The following GPRIN3 variants were observed in gnomAD, a reference collection of about 807,000 sequenced individuals.
GPRIN3 encodes G protein-regulated inducer of neurite outgrowth 3.
A neutral mutation model predicts 13.7 loss-of-function variants in GPRIN3; 12 were observed. That is an observed-to-expected ratio of 0.87 (90% confidence interval 0.56 to 1.42). GPRIN3 has a LOEUF of 1.42. GPRIN3 is among the 40% of genes most tolerant of loss of function. The pLI is 0.00. For missense variants in GPRIN3, 1,009 were observed against 958.7 expected, an observed-to-expected ratio of 1.05 and a Z score of -0.69; for synonymous variants, 377 against 372.7, an observed-to-expected ratio of 1.01 and a Z score of -0.13.
At chr4:89,288,554 A>T (rs1016537740) in intron 1 of GPRIN3, among the ~76,000 whole-genome samples, 2 of 152,206 alleles carry the variant, frequency 1.3e-5, no homozygotes, top group African/African-American at 4.8e-5. Flanking sequence ...GTACCTTGAT[A>T]GGATTCAACT....
Position 89,243,527 on chromosome 4 carries a change from A to G in GPRIN3, c.*4253T>C, listed in dbSNP as rs140759420. ...ATACATATGTAAAATAACAAACACT[A>G]AAGGGGATGTTTGACTTCTGATTTC... is the stretch of plus-strand genomic sequence containing the variant. On this transcript the variant is annotated 3_prime_UTR_variant, in exon 2 of 2. Transcript: ENST00000609438. 6.6e-6 allele frequency: 1 copy of G among 152,330 alleles called. No individual in the cohort carries two copies. Among genetic ancestry groups the G allele is most frequent in the African/African-American group, 2.4e-5 (1 of 41,574 alleles). 9.4% of individuals were successfully genotyped at this position (152,330 alleles called of 1,614,324 possible). A position where few individuals can be genotyped will look rare whatever the true frequency, so the allele number is the denominator to read the frequency against.
intron 1 of GPRIN3, among the ~76,000 whole-genome samples, chr4:89,294,921 A>T (rs1334642969): frequency 6.6e-6 from 1 of 152,228 alleles, no homozygotes; most frequent in Non-Finnish European, 1.5e-5. Flanking sequence ...AAATAATCAT[A>T]TACTTTAACC....
At chr4:89,304,601 C>A (rs960279901) in intron 1 of GPRIN3, among the ~76,000 whole-genome samples, 2 of 152,294 alleles carry the variant, frequency 1.3e-5, no homozygotes, top group Non-Finnish European at 2.9e-5. Context: ...CTATTTCTCT[C>A]ATTTAAAAAA....
chr4:89,257,013 C>G (rs1328307811), intron 1 of GPRIN3, among the ~76,000 whole-genome samples: 1 of 152,172 alleles, frequency 6.6e-6, no homozygotes, highest in Non-Finnish European at 1.5e-5. Context: ...AGAGCAGTCC[C>G]TTCTTCTTTC....
intron 1 of GPRIN3, among the ~76,000 whole-genome samples, chr4:89,303,953 T>C (rs964906871): frequency 1.3e-5 from 2 of 152,324 alleles, no homozygotes; most frequent in African/African-American, 4.8e-5. Context: ...TCCAACTTGA[T>C]ATTTATTTCT....
intron 1 of GPRIN3, among the ~76,000 whole-genome samples, chr4:89,254,152 G>GTGTGTGTGTGTGTGTGT (rs1723407257): frequency 1.7e-5 from 1 of 57,560 alleles, no homozygotes; most frequent in Non-Finnish European, 3.9e-5. Flanking sequence ...TGTGTGTGTG[G>GTGTGTGTGTGTGTGTGT]AGTGTGTGTC....
In GPRIN3 at chr4:89,249,571, G is replaced by A. The variant is rs951922055; in HGVS notation, c.540C>T (p.Ser180=). 1.9e-6 allele frequency: 3 copies of A among 1,614,148 alleles called. No homozygotes were observed. Among genetic ancestry groups the A allele is most frequent in the Non-Finnish European group, 2.5e-6 (3 of 1,180,010 alleles). ...PSCPVGGVLS[S]SKDQVSCEFP... is the part of the protein sequence containing the mutation. The stretch of plus-strand genomic sequence containing the variant: ...ACTCACAGGACACCTGATCTTTGCT[G>A]CTACTGAGGACGCCTCCCACAGGAC... Residue 180 remains serine (S), a synonymous_variant, in exon 2 of 2, where the codon AGC becomes AGT. Coordinates refer to ENST00000609438, the MANE Select transcript of GPRIN3 (RefSeq NM_198281.3).
intron 1 of GPRIN3, among the ~76,000 whole-genome samples, chr4:89,270,987 A>C (rs967761196): frequency 1.3e-5 from 2 of 152,118 alleles, no homozygotes; most frequent in Non-Finnish European, 2.9e-5. Context: ...TGTGAAGTGG[A>C]AGGATCTGAC....
In GPRIN3 at chr4:89,236,782, A is replaced by G. The variant is rs569770941; in HGVS notation, c.*10998T>C. The G allele has an allele frequency of 1.2e-4, 19 of 152,268 alleles. 1 individual carries two copies. The highest frequency in any genetic ancestry group is 2.6e-4 in the African/African-American group (11 of 41,542). The allele number at this position is 152,268 out of a possible 1,614,324, so 9.4% of individuals were successfully genotyped here. On this transcript the variant is annotated 3_prime_UTR_variant, in exon 2 of 2. Transcript: ENST00000609438. ...CAATATCTCTGTGATCATCCAATTTATATGTCTCAAGTATCTGTGCCATTG... is the reference window on the plus strand; with the variant it reads ...CAATATCTCTGTGATCATCCAATTTGTATGTCTCAAGTATCTGTGCCATTG...
rs575706018 is a variant in GPRIN3 at position 89,291,884 on chromosome 4, T to G, written c.-124+15731A>C. 7.9e-5 allele frequency among the ~76,000 whole-genome samples: 12 copies of G among 151,624 alleles called. No homozygotes were observed. In the East Asian group the frequency reaches 1.9e-3, roughly 24 times the overall value. On this transcript the variant is annotated intron_variant, in intron 1 of 1. Transcript: ENST00000609438. ...CTTAGTATATAGTGTGGGATGGAATTTTAACATTTCATCTTTTTAGAACCA... is the reference window on the plus strand; with the variant it reads ...CTTAGTATATAGTGTGGGATGGAATGTTAACATTTCATCTTTTTAGAACCA...
At chr4:89,303,932 T>A (rs1057287836) in intron 1 of GPRIN3, among the ~76,000 whole-genome samples, 2 of 152,152 alleles carry the variant, frequency 1.3e-5, no homozygotes, top group African/African-American at 4.8e-5. Context: ...GAAATTCTAC[T>A]GCAGTTCTCT....
rs147154816 is a variant in GPRIN3 at position 89,248,440 on chromosome 4, C to T, written c.1671G>A (p.Ser557=). 264 of 1,614,032 alleles carry T rather than the reference C, an allele frequency of 1.6e-4. No individual in the cohort carries two copies. Among genetic ancestry groups the T allele is most frequent in the African/African-American group, 1.2e-3 (90 of 75,014 alleles). ...KEKESTGTDT[S]DAKTLLLNPK... is the part of the protein sequence containing the mutation. ...GATTGAGCAGTAGGGTTTTGGCATC[C>T]GAGGTATCAGTGCCAGTAGACTCTT... The change falls in exon 2 of 2, where the codon TCG becomes TCA. Residue 557 remains serine (S), a synonymous_variant. Coordinates refer to ENST00000609438, the MANE Select transcript of GPRIN3 (RefSeq NM_198281.3).
chr4:89,248,016 A>G lies in GPRIN3; in HGVS notation c.2095T>C (p.Ser699Pro). The G allele has an allele frequency of 6.2e-7, 1 of 1,614,122 alleles. No individual in the cohort carries two copies. Among genetic ancestry groups the G allele is most frequent in the Middle Eastern group, 1.7e-4 (1 of 6,060 alleles). The part of the protein sequence containing the change: ...QGMTWEVYGA[S>P]LDAESLGIAI... ...ATTCCCAGGGACTCTGCGTCCAAGG[A>G]TGCACCATACACTTCCCAGGTCATT... Residue 699 changes from serine to proline, a missense_variant, in exon 2 of 2, where the codon TCC becomes CCC. Coordinates refer to ENST00000609438, the MANE Select transcript of GPRIN3 (RefSeq NM_198281.3).
chr4:89,280,419 C>T (rs1473598669), intron 1 of GPRIN3, among the ~76,000 whole-genome samples: 2 of 152,150 alleles, frequency 1.3e-5, no homozygotes, highest in Non-Finnish European at 2.9e-5. Flanking sequence ...TTGAGTTTGG[C>T]ATACAAGTAA....
intron 1 of GPRIN3, among the ~76,000 whole-genome samples, chr4:89,285,838 T>G (rs922402485): frequency 1.3e-5 from 2 of 152,196 alleles, no homozygotes; most frequent in Non-Finnish European, 2.9e-5. Flanking sequence ...ATAAGTAGCT[T>G]GTTAGAATGC....
At chr4:89,305,800 T>G (rs1029441938) in intron 1 of GPRIN3, among the ~76,000 whole-genome samples, 2 of 152,204 alleles carry the variant, frequency 1.3e-5, no homozygotes, top group Non-Finnish European at 2.9e-5. Context: ...ACACTCAAAT[T>G]TCAAAACAGC....
chr4:89,279,110 A>G (rs1383688989), intron 1 of GPRIN3, among the ~76,000 whole-genome samples: 1 of 152,242 alleles, frequency 6.6e-6, no homozygotes, highest in Non-Finnish European at 1.5e-5. Flanking sequence ...TGGACAAGAC[A>G]GGAGTGTTGT....
chr4:89,305,634 G>A (rs1725013250), intron 1 of GPRIN3, among the ~76,000 whole-genome samples: 1 of 152,178 alleles, frequency 6.6e-6, no homozygotes, highest in African/African-American at 2.4e-5. Context: ...ATATTTCCGT[G>A]TTTCCTGCAA....
At position 89,248,024 on chromosome 4, in the gene GPRIN3, TA is replaced by T. The variant is rs1561175204; in HGVS notation, c.2086del (p.Tyr696MetfsTer28). ...GGACTCTGCGTCCAAGGATGCACCA[TA>T]CACTTCCCAGGTCATTCCCTGCTCA... ...WDEQGMTWEV[Y>X]GASLDAESLG... On this transcript the variant is annotated frameshift_variant, in exon 2 of 2. Coordinates refer to ENST00000609438, the MANE Select transcript of GPRIN3 (RefSeq NM_198281.3). LOFTEE classifies it high-confidence loss of function. 4 of 1,613,972 alleles carry T rather than the reference TA, an allele frequency of 2.5e-6. No individual in the cohort carries two copies. The highest frequency in any genetic ancestry group is 3.3e-5 in the Admixed American group (2 of 59,998).
Sources: gnomAD v4.1 joint callset for allele counts (sites outside exome capture counted in the v4.1 genomes callset) on GRCh38, gnomAD v4.1.1 for gene constraint, MANE v1.5 for transcripts, NCBI Gene and HGNC (gene_info 2026-07-23, HGNC 2026-07-21) for gene names.